The following FOXN3 variants were observed in gnomAD, a reference collection of about 807,000 sequenced individuals.
The protein encoded by FOXN3 is forkhead box N3.
A neutral mutation model predicts 38.4 loss-of-function variants in FOXN3; 7 were observed. The observed-to-expected ratio is 0.18, with a 90% CI of 0.10 to 0.34. The LOEUF is 0.34. Ranked by LOEUF, FOXN3 falls within the 10% of genes least tolerant of loss-of-function variation. The pLI, the probability that FOXN3 is intolerant of heterozygous loss-of-function variation, is 1.00. For missense variants in FOXN3, 456 were observed against 613.4 expected (o/e 0.74, Z 2.71); for synonymous variants, 230 against 242.2 (o/e 0.95, Z 0.47).
At chr14:89,252,495 A>C (rs898116977) in intron 4 of FOXN3, among the ~76,000 whole-genome samples, 46 of 152,078 alleles carry the variant, frequency 3.0e-4, no homozygotes, top group African/African-American at 1.1e-3. Context: ...TCTCTACTAA[A>C]AATACAAAAT....
At chr14:89,174,560 G>A (rs565242343) in intron 5 of FOXN3, among the ~76,000 whole-genome samples, 1 of 152,294 alleles carries the variant, frequency 6.6e-6, no homozygotes, top group East Asian at 1.9e-4. Flanking sequence ...TGGGAGTTTG[G>A]AGGATTTCTA....
intron 4 of FOXN3, among the ~76,000 whole-genome samples, chr14:89,230,082 T>C (rs1884763105): frequency 6.6e-6 from 1 of 152,204 alleles, no homozygotes; most frequent in Admixed American, 6.5e-5. Flanking sequence ...CAAAGGGTCA[T>C]GGAAACCAAT....
intron 1 of FOXN3, among the ~76,000 whole-genome samples, chr14:89,592,975 G>A (rs541931599): frequency 7.0e-6 from 1 of 142,236 alleles, no homozygotes; most frequent in Admixed American, 6.9e-5. Context: ...GAAGGCATGG[G>A]ATGAACAGGT....
intron 4 of FOXN3, among the ~76,000 whole-genome samples, chr14:89,275,515 G>A (rs1886272229): frequency 6.6e-6 from 1 of 152,196 alleles, no homozygotes; most frequent in Non-Finnish European, 1.5e-5. Context: ...GTTGAGACCA[G>A]AACCCAGGTC....
chr14:89,617,652 T>G (rs79437128), intron 1 of FOXN3, among the ~76,000 whole-genome samples: 1 of 152,196 alleles, frequency 6.6e-6, no homozygotes, highest in African/African-American at 2.4e-5. Flanking sequence ...TGAGAATGTA[T>G]TGTAAAGTGC....
intron 1 of FOXN3, among the ~76,000 whole-genome samples, chr14:89,486,387 A>AT (rs1893446888): frequency 1.3e-5 from 2 of 152,144 alleles, no homozygotes; most frequent in African/African-American, 4.8e-5. Flanking sequence ...GATTGACCAC[A>AT]TTGTCAAGTC....
At chr14:89,401,457 G>A (rs1202269514) in intron 2 of FOXN3, 1 of 393,644 alleles carries the variant, frequency 2.5e-6, no homozygotes, top group Non-Finnish European at 5.0e-6. Context: ...TAGGTATTCT[G>A]CAAGACCTCA....
At chr14:89,546,329 C>CTTTT (rs1157998619) in intron 1 of FOXN3, among the ~76,000 whole-genome samples, 1 of 78,310 alleles carries the variant, frequency 1.3e-5, no homozygotes, top group Non-Finnish European at 2.3e-5. Context: ...TTTCCTTTTT[C>CTTTT]TTTTTTTTTT....
intron 3 of FOXN3, chr14:89,333,117 G>C (rs558787023): frequency 6.4e-6 from 1 of 155,656 alleles, no homozygotes; most frequent in East Asian, 1.9e-4. Flanking sequence ...CTAATACCTT[G>C]TTGGTGGAAA....
Position 89,437,945 on chromosome 14 carries a change from T to A in FOXN3, c.-14-25455A>T, listed in dbSNP as rs892569933. ...CTACATGACAGACAATGAGCTAGGG[T>A]TTTATCTGCTTTATGTCACAGAAGG... On this transcript the variant is annotated intron_variant, in intron 1 of 6. Coordinates refer to the FOXN3 transcript ENST00000345097. Among the ~76,000 whole-genome samples, 6 of 152,280 alleles carry A rather than the reference T, an allele frequency of 3.9e-5. No homozygotes were observed. In the East Asian group the frequency reaches 9.6e-4, roughly 24 times the overall value.
chr14:89,248,539 G>A (rs1368674036), intron 4 of FOXN3, among the ~76,000 whole-genome samples: 1 of 152,232 alleles, frequency 6.6e-6, no homozygotes, highest in Non-Finnish European at 1.5e-5. Flanking sequence ...TGTATTTACA[G>A]AAATGATGCC....
chr14:89,273,751 C>T (rs768882116), intron 4 of FOXN3, among the ~76,000 whole-genome samples: 3 of 152,214 alleles, frequency 2.0e-5, no homozygotes, highest in Non-Finnish European at 2.9e-5. Context: ...TAAGCAAAAG[C>T]AGCTAGCTGA....
At chr14:89,460,642 T>TATCA (rs34440394) in intron 1 of FOXN3, among the ~76,000 whole-genome samples, 7,911 of 151,858 alleles carry the variant, frequency 0.052, 568 homozygotes, top group African/African-American at 0.16. Flanking sequence ...TAAGTAGAGT[T>TATCA]ATCAATCAAT....
At chr14:89,261,032 T>C (rs746070576) in intron 4 of FOXN3, among the ~76,000 whole-genome samples, 3 of 152,228 alleles carry the variant, frequency 2.0e-5, no homozygotes, top group Non-Finnish European at 4.4e-5. Context: ...GTGCGGACTA[T>C]CTTGAACCAC....
At chr14:89,401,447 T>G in intron 2 of FOXN3, 1 of 384,598 alleles carries the variant, frequency 2.6e-6, no homozygotes, top group Non-Finnish European at 5.1e-6. Context: ...ACAACAACAG[T>G]AGGTATTCTG....
intron 3 of FOXN3, among the ~76,000 whole-genome samples, chr14:89,308,835 A>G (rs2064868544): frequency 6.6e-6 from 1 of 152,190 alleles, no homozygotes; most frequent in Non-Finnish European, 1.5e-5. Context: ...AAATGGAAGG[A>G]GGCAGCGAAG....
At chr14:89,180,894 A>AAGAG (rs199793978) in intron 4 of FOXN3, 88 bp from the exon 5 acceptor site, 12 of 615,178 alleles carry the variant, frequency 2.0e-5, no homozygotes, top group African/African-American at 2.5e-5. Context: ...ATAGACCAAT[A>AAGAG]AGAGAGAGAG....
intron 1 of FOXN3, among the ~76,000 whole-genome samples, chr14:89,433,749 T>C (rs1223623630): frequency 1.3e-5 from 2 of 149,814 alleles, no homozygotes; most frequent in African/African-American, 2.5e-5. Context: ...GTGGCGGAGG[T>C]TGCAGTGAGC....
chr14:89,261,028 A>G (rs1885782858), intron 4 of FOXN3, among the ~76,000 whole-genome samples: 1 of 152,154 alleles, frequency 6.6e-6, no homozygotes, highest in South Asian at 2.1e-4. Flanking sequence ...ATGTGTGCGG[A>G]CTATCTTGAA....
Sources: gnomAD v4.1 joint callset for allele counts (sites outside exome capture counted in the v4.1 genomes callset) on GRCh38, gnomAD v4.1.1 for gene constraint, MANE v1.5 for transcripts, NCBI Gene and HGNC (gene_info 2026-07-23, HGNC 2026-07-21) for gene names.